Variants in NCOA3 observed in about 807,000 individuals in gnomAD.
NCOA3 encodes the protein nuclear receptor coactivator 3.
In NCOA3, 51 loss-of-function variants were observed where a neutral mutation model predicts 158.8. The ratio of observed to expected loss-of-function variants is 0.32; its 90% CI spans 0.26 to 0.41. The LOEUF (loss-of-function observed/expected upper bound fraction) is 0.41, where lower values mean the gene tolerates loss of function less well. Among genes scored for constraint, NCOA3 ranks in the 10% least tolerant of loss-of-function variants. The pLI, the probability that NCOA3 is intolerant of heterozygous loss-of-function variation, is 1.00. For missense variants in NCOA3, 1,510 were observed against 1,746.6 expected (o/e 0.86, Z 2.41); for synonymous variants, 537 against 592.4 (o/e 0.91, Z 1.36).
In NCOA3 at chr20:47,558,059, C is replaced by CTT. The variant is rs111574647; in HGVS notation, c.-98-25110_-98-25109dup. Among the ~76,000 whole-genome samples the CTT allele has an allele frequency of 2.4e-3, 325 of 135,126 alleles. 2 individuals are homozygous for CTT. The highest frequency in any genetic ancestry group is 3.7e-3 in the Middle Eastern group (1 of 270). The allele number at this position is 135,126 out of a possible 152,430, so 88.6% of individuals were successfully genotyped here. ...CTGTTCTCTTTGTCTAAATTTCTTT[C>CTT]TTTTTTTTTTTTTTTGAGATGGAGT... On this transcript the variant is annotated intron_variant, in intron 1 of 22. Transcript: ENST00000371998.
chr20:47,512,280 G>A (rs1336522841), intron 1 of NCOA3, among the ~76,000 whole-genome samples: 2 of 151,936 alleles, frequency 1.3e-5, no homozygotes, highest in Non-Finnish European at 2.9e-5. Context: ...CTTAAAAATA[G>A]GCAAAAGAGA....
chr20:47,626,356 A>C (rs562699974), intron 5 of NCOA3, among the ~76,000 whole-genome samples: 1 of 152,354 alleles, frequency 6.6e-6, no homozygotes, highest in Admixed American at 6.5e-5. Context: ...TCAAATGGAA[A>C]AATGGGAAGA....
At chr20:47,543,007 T>C (rs1375132035) in intron 1 of NCOA3, among the ~76,000 whole-genome samples, 2 of 152,182 alleles carry the variant, frequency 1.3e-5, no homozygotes, top group African/African-American at 4.8e-5. Flanking sequence ...GTATTTATTA[T>C]CTTCCACAGT....
chr20:47,595,696 G>T (rs193147370), intron 2 of NCOA3, among the ~76,000 whole-genome samples: 57 of 150,118 alleles, frequency 3.8e-4, no homozygotes, highest in African/African-American at 1.2e-3. Context: ...TAATTTTTTG[G>T]TGGGATTGGT....
chr20:47,542,007 G>T (rs1244769915), intron 1 of NCOA3, among the ~76,000 whole-genome samples: 1 of 66,254 alleles, frequency 1.5e-5, no homozygotes, highest in African/African-American at 6.2e-5. Context: ...TTGCCCTGTA[G>T]AGTTTTTTTT....
chr20:47,636,279 CCGGGGT>C lies in NCOA3; in HGVS notation c.1895_1900del (p.Arg632_Gly633del). 6.2e-7 allele frequency: 1 copy of C among 1,614,172 alleles called. No homozygotes were observed. Among genetic ancestry groups the C allele is most frequent in the Non-Finnish European group, 8.5e-7 (1 of 1,180,026 alleles). On this transcript the variant is annotated inframe_deletion, in exon 12 of 23. Coordinates refer to ENST00000371998, the MANE Select transcript of NCOA3 (RefSeq NM_181659.3). ...AGTTACTTACCTGTTCTTCTGATGA[CCGGGGT>C]CATTCCTCCTTGACCAACTCCCCCC...
At chr20:47,530,782 T>C (rs2084532398) in intron 1 of NCOA3, among the ~76,000 whole-genome samples, 1 of 152,198 alleles carries the variant, frequency 6.6e-6, no homozygotes, top group African/African-American at 2.4e-5. Flanking sequence ...TTAACTATTT[T>C]AGGTTCCTGT....
At chr20:47,611,474 T>A (rs2086041553) in intron 2 of NCOA3, among the ~76,000 whole-genome samples, 2 of 151,896 alleles carry the variant, frequency 1.3e-5, no homozygotes, top group African/African-American at 4.8e-5. Context: ...ACCCCAGAGG[T>A]AAAAAATGGT....
At chr20:47,510,709 G>A (rs867232586) in intron 1 of NCOA3, among the ~76,000 whole-genome samples, 5 of 151,558 alleles carry the variant, frequency 3.3e-5, no homozygotes, top group Admixed American at 2.6e-4. Context: ...TCCTCCCAGC[G>A]CAGCCTCCCA....
intron 17 of NCOA3, among the ~76,000 whole-genome samples, chr20:47,646,633 C>T (rs926364665): frequency 2.0e-5 from 3 of 152,102 alleles, no homozygotes; most frequent in Admixed American, 2.0e-4. Context: ...ATAAGAGAGC[C>T]TAGGACTGAA....
At chr20:47,515,472 CTTTTTTT>C (rs111350575) in intron 1 of NCOA3, among the ~76,000 whole-genome samples, 4 of 130,028 alleles carry the variant, frequency 3.1e-5, no homozygotes, top group East Asian at 2.2e-4. Context: ...TTCTTTCTTT[CTTTTTTT>C]TTTTTTTTTT....
At chr20:47,511,042 A>T (rs2084114787) in intron 1 of NCOA3, among the ~76,000 whole-genome samples, 2 of 151,994 alleles carry the variant, frequency 1.3e-5, no homozygotes, top group Non-Finnish European at 2.9e-5. Flanking sequence ...TATTTAAGGA[A>T]CTGTGAGAGT....
intron 1 of NCOA3, among the ~76,000 whole-genome samples, chr20:47,522,755 G>A (rs2084364595): frequency 1.3e-5 from 2 of 152,170 alleles, no homozygotes; most frequent in South Asian, 2.1e-4. Flanking sequence ...AGGAACTTGT[G>A]GGGAAAGGGC....
Position 47,536,504 on chromosome 20 carries a change from T to C in NCOA3, c.-99+34485T>C, listed in dbSNP as rs148486985. On this transcript the variant is annotated intron_variant, in intron 1 of 22. Coordinates refer to ENST00000371998, the MANE Select transcript of NCOA3 (RefSeq NM_181659.3). ...AGCTTATTTTTTGGTGCAGACAATA[T>C]ATCCTATACACATTTTGTCTCCTTT... 4.4e-3 allele frequency among the ~76,000 whole-genome samples: 666 copies of C among 152,350 alleles called. 3 individuals are homozygous for C. Among genetic ancestry groups the C allele is most frequent in the African/African-American group, 0.015 (637 of 41,588 alleles).
intron 2 of NCOA3, among the ~76,000 whole-genome samples, chr20:47,591,712 T>A (rs1568708988): frequency 6.6e-6 from 1 of 152,054 alleles, no homozygotes; most frequent in Non-Finnish European, 1.5e-5. Flanking sequence ...TTCAGCACTT[T>A]AAAGTTGTTC....
Position 47,649,002 on chromosome 20 carries a change from C to G in NCOA3, c.3547-3C>G, listed in dbSNP as rs748764512. 8 of 1,604,718 alleles carry G rather than the reference C, an allele frequency of 5.0e-6. No individual in the cohort carries two copies. In the Admixed American group the frequency reaches 1.3e-4, roughly 27 times the overall value. ...GCATTCTAACCAACTTGTCTCACCT[C>G]AGTTTTTGAATCAGAGCCGACAGGC... On this transcript the variant is annotated splice_polypyrimidine_tract_variant and splice_region_variant and intron_variant, in intron 18 of 22. Coordinates refer to ENST00000371998, the MANE Select transcript of NCOA3 (RefSeq NM_181659.3).
intron 1 of NCOA3, among the ~76,000 whole-genome samples, chr20:47,529,048 T>C (rs2084503098): frequency 6.6e-6 from 1 of 152,002 alleles, no homozygotes; most frequent in African/African-American, 2.4e-5. Context: ...ATTACAGGCG[T>C]GAGCCACTGT....
At chr20:47,563,896 AAAAAAAAAG>A (rs973300292) in intron 1 of NCOA3, among the ~76,000 whole-genome samples, 2 of 150,746 alleles carry the variant, frequency 1.3e-5, no homozygotes, top group African/African-American at 4.9e-5. Context: ...CTCAAAAAAA[AAAAAAAAAG>A]AAAGAAAAAA....
chr20:47,603,551 G>A lies in NCOA3; in HGVS notation c.-19-18678G>A, dbSNP rs145040619. On this transcript the variant is annotated intron_variant, in intron 2 of 22. Transcript: ENST00000371998. ...AGCTCAGGGCCTTCTTGGTATTCAG[G>A]TCCTTGTCCAGCATCGAGGAAGAAT... Among the ~76,000 whole-genome samples the A allele has an allele frequency of 4.9e-3, 746 of 152,372 alleles. 7 individuals are homozygous for A. Among genetic ancestry groups the A allele is most frequent in the African/African-American group, 0.017 (714 of 41,592 alleles).
Sources: gnomAD v4.1 joint callset for allele counts (sites outside exome capture counted in the v4.1 genomes callset) on GRCh38, gnomAD v4.1.1 for gene constraint, MANE v1.5 for transcripts, NCBI Gene and HGNC (gene_info 2026-07-23, HGNC 2026-07-21) for gene names.